The following GSN variants were observed in gnomAD, a reference collection of about 807,000 sequenced individuals.
The protein encoded by GSN is gelsolin.
Under a neutral mutation model 85.7 loss-of-function variants are expected in GSN, and 56 were observed. The observed-to-expected ratio is 0.65, with a 90% CI of 0.53 to 0.82. GSN has a LOEUF of 0.82. Among genes scored for constraint, GSN ranks in the 40% least tolerant of loss-of-function variants. The pLI, the probability that GSN is intolerant of heterozygous loss-of-function variation, is 0.00. For synonymous variants in GSN, 373 were observed against 399.1 expected (o/e 0.93, Z 0.78); for missense variants, 857 against 979.8 (o/e 0.87, Z 1.67).
chr9:121,280,045 AC>A (rs2132559265), intron 1 of GSN: 1 of 152,280 alleles, frequency 6.6e-6, no homozygotes, highest in African/African-American at 2.4e-5. Flanking sequence ...GACTGTCTGA[AC>A]CATTTACTGT....
chr9:121,215,460 G>A (rs1223390484), intron 4 of GSN, among the ~76,000 whole-genome samples: 1 of 152,070 alleles, frequency 6.6e-6, no homozygotes, highest in Non-Finnish European at 1.5e-5. Context: ...TTGGGAGGCC[G>A]AGGTGGGTGG....
At chr9:121,282,518 CAGCCGG>C (rs1464716312) in intron 2 of GSN, 7 of 1,255,214 alleles carry the variant, frequency 5.6e-6, no homozygotes, top group Non-Finnish European at 7.1e-6. Context: ...GAGCCACCCA[CAGCCGG>C]AGCTGTTCCT....
chr9:121,234,843 C>T (rs947600270), intron 5 of GSN, among the ~76,000 whole-genome samples: 18 of 152,258 alleles, frequency 1.2e-4, no homozygotes, highest in African/African-American at 3.4e-4. Flanking sequence ...TGTGAGACCC[C>T]GTCTCTAAAC....
At chr9:121,286,576 G>A (rs1217281916) in intron 2 of GSN, 2 of 1,474,906 alleles carry the variant, frequency 1.4e-6, no homozygotes, top group Non-Finnish European at 9.0e-7. Context: ...GTTGGGCCAT[G>A]GGTGCTCCCT....
chr9:121,286,348 C>T (rs2058072168), intron 2 of GSN, among the ~76,000 whole-genome samples: 1 of 152,250 alleles, frequency 6.6e-6, no homozygotes, highest in Admixed American at 6.5e-5. Context: ...GCTTAAAAAT[C>T]CTCAGTGTGT....
At chr9:121,236,515 C>G (rs184807749) in intron 5 of GSN, among the ~76,000 whole-genome samples, 4 of 152,272 alleles carry the variant, frequency 2.6e-5, no homozygotes, top group Non-Finnish European at 5.9e-5. Flanking sequence ...GCCCGGCCAA[C>G]ATGTATTTTC....
chr9:121,327,030 A>AGG lies in GSN; in HGVS notation c.1588-275_1588-274dup, dbSNP rs911705135. 2.3e-5 allele frequency: 15 copies of AGG among 660,756 alleles called. No individual in the cohort carries two copies. The African/African-American group carries it at 2.5e-4, about 11-fold the overall frequency. The allele number at this position is 660,756 out of a possible 1,614,324, so 40.9% of individuals were successfully genotyped here. A position where few individuals can be genotyped will look rare whatever the true frequency, so the allele number is the denominator to read the frequency against. On this transcript the variant is annotated intron_variant, in intron 13 of 17. Coordinates refer to ENST00000432226, the MANE Select transcript of GSN (RefSeq NM_198252.3). Reference sequence around the variant, plus strand: ...TCCCAGGATGGTCTGAGCAGCCTAGAGGGGAATGGGACTCTCACCTCCTTT... The same window carrying AGG: ...TCCCAGGATGGTCTGAGCAGCCTAGAGGGGGGAATGGGACTCTCACCTCCTTT...
intron 6 of GSN, among the ~76,000 whole-genome samples, chr9:121,253,700 TTC>T (rs2054888345): frequency 6.7e-6 from 1 of 149,106 alleles, no homozygotes; most frequent in African/African-American, 2.5e-5. Context: ...GAATAGGCGG[TTC>T]TCTCTCTATT....
intron 1 of GSN, chr9:121,281,150 C>T (rs555969196): frequency 1.4e-3 from 225 of 165,246 alleles, no homozygotes; most frequent in Non-Finnish European, 2.3e-3. Flanking sequence ...TTCAAATCTC[C>T]AAAGAGCCAT....
rs1588923832 is a variant in GSN at position 121,299,840 on chromosome 9, G to C, written c.-9-2123G>C. On this transcript the variant is annotated intron_variant, in intron 2 of 17. Coordinates refer to ENST00000432226, the MANE Select transcript of GSN (RefSeq NM_198252.3). The surrounding 1 kb of genome is among the most constrained non-coding windows in gnomAD (Gnocchi z 4.2). ...ACCCGAGGCCGCGGCTGCCGACTGGGTCCCCTGCCGCTGTCGCCACCATGG... is the reference window on the plus strand; with the variant it reads ...ACCCGAGGCCGCGGCTGCCGACTGGCTCCCCTGCCGCTGTCGCCACCATGG... 1 of 1,348,402 alleles carries C rather than the reference G, an allele frequency of 7.4e-7. No individual in the cohort carries two copies. 83.5% of individuals were successfully genotyped at this position (1,348,402 alleles called of 1,614,324 possible). A position where few individuals can be genotyped will look rare whatever the true frequency, so the allele number is the denominator to read the frequency against.
chr9:121,276,871 A>T (rs966151841), intron 1 of GSN, among the ~76,000 whole-genome samples: 6 of 152,262 alleles, frequency 3.9e-5, no homozygotes, highest in Non-Finnish European at 7.4e-5. Context: ...CAGCACACCA[A>T]CATGGCACAT....
At chr9:121,249,230 G>A (rs1389892260) in intron 6 of GSN, among the ~76,000 whole-genome samples, 1 of 151,974 alleles carries the variant, frequency 6.6e-6, no homozygotes. Flanking sequence ...AGGGTGAGGC[G>A]AGTGGATCAC....
chr9:121,315,669 G>A (rs991020838), intron 7 of GSN, among the ~76,000 whole-genome samples: 20 of 152,194 alleles, frequency 1.3e-4, no homozygotes, highest in African/African-American at 4.3e-4. Context: ...CCTAAGGGAG[G>A]AGAATCACTT....
chr9:121,308,716 T>C (rs1440893331), intron 4 of GSN: 3 of 152,266 alleles, frequency 2.0e-5, no homozygotes, highest in Non-Finnish European at 4.4e-5. Flanking sequence ...GATTCAGACA[T>C]GCCTGGGTTT....
chr9:121,329,326 G>A lies in GSN; in HGVS notation c.1965+11G>A. 1.3e-6 allele frequency: 2 copies of A among 1,514,084 alleles called. No homozygotes were observed. The highest frequency in any genetic ancestry group is 1.1e-5 in the South Asian group (1 of 89,114). 93.8% of individuals were successfully genotyped at this position (1,514,084 alleles called of 1,614,324 possible). On this transcript the variant is annotated intron_variant, in intron 16 of 17. Transcript: ENST00000432226. This position sits in a 1 kb window ranked among gnomAD's most constrained non-coding sequence, Gnocchi z 4.6. ...GACACCTGGGACCAGGTGGGTGAAG[G>A]ACAGGTGAAGGCTCTCTGTGCCAGA... is the stretch of plus-strand genomic sequence containing the variant.
In GSN at chr9:121,286,687, G is replaced by C. The variant is rs1000498913; in HGVS notation, c.-10+5125G>C. On this transcript the variant is annotated intron_variant, in intron 2 of 17. Transcript: ENST00000432226. ...GTCAGAGAAAGAAAGGAGACAATTT[G>C]TGATTGAACAGCCACTGTGGCCATC... is the stretch of plus-strand genomic sequence containing the variant. 8 of 1,535,212 alleles carry C rather than the reference G, an allele frequency of 5.2e-6. No homozygotes were observed. The African/African-American group carries it at 6.8e-5, about 13-fold the overall frequency.
At chr9:121,237,658 T>G (rs78392482) in intron 5 of GSN, among the ~76,000 whole-genome samples, 2 of 152,228 alleles carry the variant, frequency 1.3e-5, no homozygotes, top group East Asian at 3.9e-4. Context: ...AAGAAAATGC[T>G]CAAGAAAGAG....
At chr9:121,224,275 A>T (rs1186445995) in intron 4 of GSN, among the ~76,000 whole-genome samples, 1 of 151,600 alleles carries the variant, frequency 6.6e-6, no homozygotes, top group Admixed American at 6.6e-5. Context: ...TTTTTAAAAA[A>T]TTTTTAGTAG....
chr9:121,223,569 G>A (rs2054212934), intron 4 of GSN, among the ~76,000 whole-genome samples: 4 of 152,096 alleles, frequency 2.6e-5, no homozygotes, highest in African/African-American at 9.7e-5. Context: ...CTTACTCCGG[G>A]AGTGTCAGGC....
Sources: gnomAD v4.1 joint callset for allele counts (sites outside exome capture counted in the v4.1 genomes callset) on GRCh38, gnomAD v4.1.1 for gene constraint, Gnocchi (gnomAD v3.1) non-coding constraint, MANE v1.5 for transcripts, NCBI Gene and HGNC (gene_info 2026-07-23, HGNC 2026-07-21) for gene names.